The following PLPP4 variants were observed in gnomAD, a reference collection of about 807,000 sequenced individuals.
PLPP4 encodes the protein phospholipid phosphatase 4.
Under a neutral mutation model 32.2 loss-of-function variants are expected in PLPP4, and 20 were observed. The ratio of observed to expected loss-of-function variants is 0.62; its 90% CI spans 0.44 to 0.90. The LOEUF (loss-of-function observed/expected upper bound fraction) is 0.90. Among genes scored for constraint, PLPP4 ranks in the 40% least tolerant of loss-of-function variants. PLPP4 has a pLI of 0.00. For missense variants in PLPP4, 257 were observed against 353.1 expected (o/e 0.73, Z 2.18); for synonymous variants, 127 against 133.0 (o/e 0.95, Z 0.31).
At chr10:120,508,034 T>G (rs1208609793) in intron 2 of PLPP4, among the ~76,000 whole-genome samples, 1 of 152,224 alleles carries the variant, frequency 6.6e-6, no homozygotes, top group African/African-American at 2.4e-5. Context: ...GCCTATTCTT[T>G]GCCCTCTTCT....
intron 5 of PLPP4, among the ~76,000 whole-genome samples, chr10:120,529,791 C>G (rs1278864990): frequency 6.6e-6 from 1 of 151,998 alleles, no homozygotes; most frequent in Non-Finnish European, 1.5e-5. Context: ...ATAAAAGAAA[C>G]AAAAAAATGT....
At chr10:120,513,851 A>G (rs1468925374) in intron 2 of PLPP4, 60 bp from the exon 3 acceptor site, 3 of 1,287,712 alleles carry the variant, frequency 2.3e-6, no homozygotes, top group Non-Finnish European at 3.4e-6. Context: ...CTAATTATCA[A>G]TCAGCCCTTC....
At chr10:120,529,914 T>G (rs11199380) in intron 5 of PLPP4, among the ~76,000 whole-genome samples, 1 of 152,044 alleles carries the variant, frequency 6.6e-6, no homozygotes, top group Non-Finnish European at 1.5e-5. Context: ...ATTCCATCTC[T>G]GCACTCCAGC....
intron 1 of PLPP4, among the ~76,000 whole-genome samples, chr10:120,488,490 T>G (rs1329876137): frequency 2.0e-5 from 3 of 152,226 alleles, no homozygotes; most frequent in African/African-American, 7.2e-5. Flanking sequence ...TGCTTTTCAT[T>G]TAACTATCTT....
intron 2 of PLPP4, among the ~76,000 whole-genome samples, chr10:120,507,808 A>G (rs905852808): frequency 3.3e-5 from 5 of 152,206 alleles, no homozygotes; most frequent in South Asian, 2.1e-4. Context: ...TTGGTTAATT[A>G]CAAGCTAATT....
chr10:120,545,931 G>T (rs1196848711), intron 5 of PLPP4, among the ~76,000 whole-genome samples: 1 of 152,156 alleles, frequency 6.6e-6, no homozygotes, highest in Non-Finnish European at 1.5e-5. Flanking sequence ...GATGAACGTG[G>T]AAGGATTTGA....
Position 120,526,493 on chromosome 10 carries a change from T to C in PLPP4, c.445+5398T>C, listed in dbSNP as rs552507871. On this transcript the variant is annotated intron_variant, in intron 5 of 6. Coordinates refer to ENST00000398250, the MANE Select transcript of PLPP4 (RefSeq NM_001030059.3). Reference sequence around the variant, plus strand: ...TGGCCTTTACTTTGAGGCTGTTTGATTCCCTAGAGGAGGCTCTTCATACTC... The same window carrying C: ...TGGCCTTTACTTTGAGGCTGTTTGACTCCCTAGAGGAGGCTCTTCATACTC... Among the ~76,000 whole-genome samples, 3 of 152,284 alleles carry C rather than the reference T, an allele frequency of 2.0e-5. No individual in the cohort carries two copies. The South Asian group carries it at 6.2e-4, about 32-fold the overall frequency.
Position 120,520,981 on chromosome 10 carries a change from G to T in PLPP4, c.331G>T (p.Asp111Tyr). Residue 111 changes from aspartate (D) to tyrosine (Y), a missense_variant, in exon 5 of 7, where the codon GAT becomes TAT. Physicochemically the swap from Asp to Tyr is radical, Grantham distance 160 (BLOSUM62 -3). Coordinates refer to ENST00000398250, the MANE Select transcript of PLPP4 (RefSeq NM_001030059.3). ...IKLIVGRPRP[D>Y]FFYRCFPDGV... ...TGGTGTCTTTTGTAGACCTCGCCCC[G>T]ATTTCTTTTACCGCTGCTTTCCAGA... 3 of 1,613,888 alleles carry T rather than the reference G, an allele frequency of 1.9e-6. No individual in the cohort carries two copies. The highest frequency in any genetic ancestry group is 2.5e-6 in the Non-Finnish European group (3 of 1,179,942).
At chr10:120,525,341 A>G (rs559145605) in intron 5 of PLPP4, among the ~76,000 whole-genome samples, 35 of 152,376 alleles carry the variant, frequency 2.3e-4, no homozygotes, top group African/African-American at 8.2e-4. Flanking sequence ...GAATGTTTCA[A>G]TTTTAAACAT....
chr10:120,464,445 A>G (rs1482397172), intron 1 of PLPP4, among the ~76,000 whole-genome samples: 1 of 152,188 alleles, frequency 6.6e-6, no homozygotes, highest in Non-Finnish European at 1.5e-5. Flanking sequence ...ATGATTTACC[A>G]CAGGATTTCT....
intron 1 of PLPP4, among the ~76,000 whole-genome samples, chr10:120,477,585 A>G (rs959736228): frequency 1.3e-5 from 2 of 152,178 alleles, no homozygotes; most frequent in Non-Finnish European, 2.9e-5. Flanking sequence ...CTGATGCCAT[A>G]TTGAACAGAG....
chr10:120,458,686 G>A (rs1278534054), intron 1 of PLPP4, among the ~76,000 whole-genome samples: 2 of 152,136 alleles, frequency 1.3e-5, no homozygotes, highest in Non-Finnish European at 2.9e-5. Context: ...TGGGAAGAAG[G>A]AACGAGAACT....
chr10:120,489,780 A>C (rs938079870), intron 1 of PLPP4, among the ~76,000 whole-genome samples: 13 of 152,234 alleles, frequency 8.5e-5, no homozygotes, highest in Non-Finnish European at 2.9e-5. Context: ...CTCAAACCAA[A>C]TATGCAGCAG....
chr10:120,466,705 C>A (rs928005569), intron 1 of PLPP4, among the ~76,000 whole-genome samples: 3 of 152,020 alleles, frequency 2.0e-5, no homozygotes, highest in Non-Finnish European at 4.4e-5. Context: ...GAAGTGACAC[C>A]CTGACTTTGC....
At chr10:120,490,063 G>A (rs1387457959) in intron 1 of PLPP4, among the ~76,000 whole-genome samples, 1 of 152,210 alleles carries the variant, frequency 6.6e-6, no homozygotes, top group Non-Finnish European at 1.5e-5. Flanking sequence ...AATCTTTGCA[G>A]TAGTAATGAT....
chr10:120,574,807 G>A (rs1183682427), intron 5 of PLPP4, among the ~76,000 whole-genome samples: 1 of 152,246 alleles, frequency 6.6e-6, no homozygotes, highest in African/African-American at 2.4e-5. Flanking sequence ...TGACTCCAGA[G>A]ATAGTATCTG....
intron 1 of PLPP4, among the ~76,000 whole-genome samples, chr10:120,497,749 A>G (rs1221954739): frequency 2.0e-5 from 3 of 152,146 alleles, no homozygotes; most frequent in Non-Finnish European, 4.4e-5. Context: ...ATATATCAAG[A>G]TAACTGTCCG....
chr10:120,532,819 C>T (rs1846804071), intron 5 of PLPP4, among the ~76,000 whole-genome samples: 2 of 151,984 alleles, frequency 1.3e-5, no homozygotes, highest in Admixed American at 1.3e-4. Context: ...TTTTTTATTG[C>T]TCAGTAATCT....
intron 5 of PLPP4, among the ~76,000 whole-genome samples, chr10:120,567,197 G>A (rs1589896055): frequency 6.6e-6 from 1 of 152,182 alleles, no homozygotes. Context: ...TACACTGCTA[G>A]AAATAGAAGC....
Sources: allele counts gnomAD v4.1 joint callset (sites outside exome capture counted in the v4.1 genomes callset), GRCh38; gene constraint gnomAD v4.1.1; transcripts MANE v1.5; gene names NCBI Gene and HGNC (gene_info 2026-07-23, HGNC 2026-07-21).